Variants in TEX11 observed in about 807,000 individuals in gnomAD.
TEX11 encodes the protein testis expressed 11.
In TEX11, 7 loss-of-function variants were observed where a neutral mutation model predicts 84.4. That is an observed-to-expected ratio of 0.08 (90% CI 0.05 to 0.16). TEX11 has a LOEUF of 0.16. TEX11 is among the 10% of genes least tolerant of loss of function. The pLI is 1.00. For synonymous variants in TEX11, 264 were observed against 222.8 expected, an observed-to-expected ratio of 1.18 and a Z score of -1.64; for missense variants, 551 against 660.5, an observed-to-expected ratio of 0.83 and a Z score of 1.82.
chrX:70,595,840 T>C (rs1348211977), intron 24 of TEX11, among the ~76,000 whole-genome samples: 1 of 111,347 alleles, frequency 9.0e-6, no homozygotes, highest in African/African-American at 3.3e-5. Context: ...AGACAAAGAT[T>C]ATCATATTGA....
chrX:70,897,155 A>ATT (rs1302035830), intron 2 of TEX11, among the ~76,000 whole-genome samples: 1 of 31,131 alleles, frequency 3.2e-5, no homozygotes, highest in African/African-American at 6.0e-5. Context: ...TATTATATAT[A>ATT]ACATATATAT....
At chrX:70,842,276 A>G (rs1422013591) in intron 7 of TEX11, among the ~76,000 whole-genome samples, 1 of 111,374 alleles carries the variant, frequency 9.0e-6, no homozygotes, top group Non-Finnish European at 1.9e-5. Context: ...CAAAAAGCTT[A>G]TCCACCATGA....
At chrX:70,796,216 G>A (rs1238247768) in intron 9 of TEX11, among the ~76,000 whole-genome samples, 2 of 111,943 alleles carry the variant, frequency 1.8e-5, no homozygotes, top group African/African-American at 6.5e-5. Context: ...TTGATATACT[G>A]ATATCAGAGT....
chrX:70,779,998 G>A (rs2091027456), intron 9 of TEX11, among the ~76,000 whole-genome samples: 1 of 111,962 alleles, frequency 8.9e-6, no homozygotes, highest in African/African-American at 3.2e-5. Context: ...CAGGCACAGT[G>A]GCTCATGCCT....
At chrX:70,783,104 A>G (rs935229485) in intron 9 of TEX11, among the ~76,000 whole-genome samples, 6 of 111,799 alleles carry the variant, frequency 5.4e-5, no homozygotes, top group Non-Finnish European at 1.1e-4. Flanking sequence ...CAGCAAATGT[A>G]AAAGAACAGA....
chrX:70,630,649 T>C (rs1334313688), intron 17 of TEX11, among the ~76,000 whole-genome samples: 2 of 111,935 alleles, frequency 1.8e-5, no homozygotes, highest in Admixed American at 1.9e-4. Context: ...AATAAGATGC[T>C]AAATTTAAAT....
intron 2 of TEX11, among the ~76,000 whole-genome samples, chrX:70,894,531 C>G (rs763700652): frequency 3.8e-4 from 42 of 109,408 alleles, no homozygotes; most frequent in Non-Finnish European, 5.9e-4. Flanking sequence ...GAGGCTGAGG[C>G]AGGAGAATCA....
chrX:70,813,464 T>C (rs755360306), intron 8 of TEX11, among the ~76,000 whole-genome samples: 60 of 111,694 alleles, frequency 5.4e-4, no homozygotes, highest in Admixed American at 1.4e-3. Context: ...TAATAAGAGC[T>C]ATTTATGACA....
At position 70,661,403 on chromosome X, in the gene TEX11, G is replaced by A. The variant is rs191146728; in HGVS notation, c.1380+8974C>T. On this transcript the variant is annotated intron_variant, in intron 16 of 29. Transcript: ENST00000374333. ...AAGCTCGAACTGGGTGGAGCCCACCGCAGCTCAAGGAGGCCTGCCTGCCTC... is the reference window on the plus strand; with the variant it reads ...AAGCTCGAACTGGGTGGAGCCCACCACAGCTCAAGGAGGCCTGCCTGCCTC... Among the ~76,000 whole-genome samples, 1,119 of 112,458 alleles carry A rather than the reference G, an allele frequency of 1.0e-2. 14 individuals carry two copies. The highest frequency in any genetic ancestry group is 0.033 in the African/African-American group (1,021 of 31,056).
At position 70,620,468 on chromosome X, in the gene TEX11, C is replaced by T. The variant is rs936984973; in HGVS notation, c.1751+3482G>A. ...TGACAACACCAAATGCTGGTGAGGGCACACAGCAACAGGGACTCTTATTCA... is the reference window on the plus strand; with the variant it reads ...TGACAACACCAAATGCTGGTGAGGGTACACAGCAACAGGGACTCTTATTCA... On this transcript the variant is annotated intron_variant, in intron 20 of 29. Transcript: ENST00000374333. Among the ~76,000 whole-genome samples the T allele has an allele frequency of 2.7e-5, 3 of 111,838 alleles. No homozygotes were observed. The South Asian group carries it at 1.1e-3, about 42-fold the overall frequency.
chrX:70,566,677 T>A lies in TEX11; in HGVS notation c.2141-11877A>T, dbSNP rs1357861968. On this transcript the variant is annotated intron_variant, in intron 25 of 29. Transcript: ENST00000374333. ...TTGAGATAATCATGTGGTTTTTGTC[T>A]TTGGTTCTGTTTATATGCTGGATTA... Among the ~76,000 whole-genome samples the A allele has an allele frequency of 8.1e-5, 9 of 111,779 alleles. No homozygotes were observed. In the South Asian group the frequency reaches 3.0e-3, roughly 37 times the overall value.
chrX:70,837,694 A>C (rs765859389), intron 7 of TEX11, among the ~76,000 whole-genome samples: 3 of 112,299 alleles, frequency 2.7e-5, no homozygotes, highest in Non-Finnish European at 5.6e-5. Context: ...TTACATTTAT[A>C]TAATGTTCTT....
chrX:70,645,641 A>G (rs191102251), intron 17 of TEX11, among the ~76,000 whole-genome samples: 2 of 111,906 alleles, frequency 1.8e-5, no homozygotes, highest in African/African-American at 6.5e-5. Context: ...CATACTAACA[A>G]CAAACTACCT....
At chrX:70,673,721 T>C (rs1378274074) in intron 15 of TEX11, among the ~76,000 whole-genome samples, 1 of 111,571 alleles carries the variant, frequency 9.0e-6, no homozygotes, top group East Asian at 2.8e-4. Flanking sequence ...AAAAATCAGT[T>C]GAGCATATTT....
At chrX:70,591,278 A>G (rs1220874929) in intron 25 of TEX11, among the ~76,000 whole-genome samples, 1 of 111,033 alleles carries the variant, frequency 9.0e-6, no homozygotes, top group Non-Finnish European at 1.9e-5. Context: ...GTCAATACTG[A>G]TATAGAGTGG....
intron 17 of TEX11, among the ~76,000 whole-genome samples, chrX:70,640,656 A>G (rs1309701426): frequency 1.0e-4 from 11 of 108,698 alleles, no homozygotes; most frequent in Non-Finnish European, 1.9e-4. Context: ...AGAATTTCAT[A>G]TCCAGCCAAA....
intron 13 of TEX11, among the ~76,000 whole-genome samples, chrX:70,709,209 G>T (rs2090404435): frequency 9.0e-6 from 1 of 111,389 alleles, no homozygotes. Context: ...GATCTAGGGT[G>T]ATACCAATCA....
chrX:70,649,750 G>A (rs1358306889), intron 17 of TEX11, among the ~76,000 whole-genome samples: 1 of 110,995 alleles, frequency 9.0e-6, no homozygotes, highest in African/African-American at 3.3e-5. Context: ...CTCCAGCCTG[G>A]GTGACAGAGC....
intron 9 of TEX11, among the ~76,000 whole-genome samples, chrX:70,803,453 C>T (rs1165760872): frequency 2.7e-5 from 3 of 111,427 alleles, no homozygotes; most frequent in Non-Finnish European, 5.6e-5. Flanking sequence ...GATAAAAACT[C>T]AGAAAGGTCC....
Sources: allele counts gnomAD v4.1 joint callset (sites outside exome capture counted in the v4.1 genomes callset), GRCh38; gene constraint gnomAD v4.1.1; transcripts MANE v1.5; gene names NCBI Gene and HGNC (gene_info 2026-07-23, HGNC 2026-07-21).